MOXD1: variants seen among roughly 807,000 people sequenced by gnomAD.
MOXD1 encodes monooxygenase DBH like 1, also known as DBH-like monooxygenase protein 1.
A neutral mutation model predicts 66.6 loss-of-function variants in MOXD1; 62 were observed. The observed-to-expected ratio is 0.93, with a 90% CI of 0.76 to 1.15. The LOEUF is 1.15. MOXD1 is among the 50% of genes most tolerant of loss of function. MOXD1 has a pLI of 0.00. For synonymous variants in MOXD1, 303 were observed against 281.9 expected, an observed-to-expected ratio of 1.07 and a Z score of -0.75; for missense variants, 847 against 754.6, an observed-to-expected ratio of 1.12 and a Z score of -1.44.
intron 1 of MOXD1, among the ~76,000 whole-genome samples, chr6:132,399,836 G>A (rs935931345): frequency 8.5e-5 from 13 of 152,148 alleles, no homozygotes; most frequent in African/African-American, 3.1e-4. Context: ...TATTACAGGA[G>A]AATGAGTCAT....
intron 4 of MOXD1, among the ~76,000 whole-genome samples, chr6:132,340,836 C>A (rs968984366): frequency 6.6e-6 from 1 of 151,748 alleles, no homozygotes; most frequent in African/African-American, 2.4e-5. Context: ...TTAGTAGAGA[C>A]GGGGTTTCAT....
intron 4 of MOXD1, among the ~76,000 whole-genome samples, chr6:132,355,549 G>T (rs984589490): frequency 2.0e-5 from 3 of 152,086 alleles, no homozygotes; most frequent in Admixed American, 6.5e-5. Context: ...TTGGAACTGT[G>T]CCATCACCAT....
chr6:132,385,281 A>C (rs1421393088), intron 1 of MOXD1, among the ~76,000 whole-genome samples: 1 of 152,042 alleles, frequency 6.6e-6, no homozygotes, highest in Non-Finnish European at 1.5e-5. Flanking sequence ...AGGTCAAAGT[A>C]ATGTACCACC....
rs1229304316 is a variant in MOXD1 at position 132,309,603 on chromosome 6, C to T, written c.1508+6032G>A. 2.0e-5 allele frequency among the ~76,000 whole-genome samples: 3 copies of T among 152,182 alleles called. No homozygotes were observed. In the East Asian group the frequency reaches 5.8e-4, roughly 29 times the overall value. On this transcript the variant is annotated intron_variant, in intron 10 of 11. Coordinates refer to ENST00000367963, the MANE Select transcript of MOXD1 (RefSeq NM_015529.4). Reference sequence around the variant, plus strand: ...AAAGAACAAAGCTGGAGGCATCACACTACCTGACTTCAAACTATACTACAA... The same window carrying T: ...AAAGAACAAAGCTGGAGGCATCACATTACCTGACTTCAAACTATACTACAA...
At chr6:132,321,347 A>G (rs942720895) in intron 8 of MOXD1, among the ~76,000 whole-genome samples, 5 of 152,320 alleles carry the variant, frequency 3.3e-5, no homozygotes, top group Admixed American at 1.3e-4. Context: ...ACAAATGAAC[A>G]TTTAATAAAC....
At chr6:132,313,841 G>A (rs1264677889) in intron 10 of MOXD1, among the ~76,000 whole-genome samples, 2 of 152,142 alleles carry the variant, frequency 1.3e-5, no homozygotes, top group East Asian at 3.9e-4. Context: ...CTTGAACCCA[G>A]GAGGCAGAGG....
intron 1 of MOXD1, chr6:132,375,123 CA>C (rs532795115): frequency 1.2e-5 from 4 of 346,950 alleles, no homozygotes; most frequent in Non-Finnish European, 1.6e-5. Flanking sequence ...TGCATTTATA[CA>C]AAAAAAGTTT....
Position 132,349,350 on chromosome 6 carries a change from T to C in MOXD1, c.664-20756A>G, listed in dbSNP as rs1775735198. Among the ~76,000 whole-genome samples the C allele has an allele frequency of 3.5e-5, 5 of 144,164 alleles. No individual in the cohort carries two copies. In the South Asian group the frequency reaches 1.1e-3, roughly 31 times the overall value. 94.6% of individuals were successfully genotyped at this position (144,164 alleles called of 152,430 possible). The stretch of plus-strand genomic sequence containing the variant: ...GCTTAGTAGTATTCCATCATATATA[T>C]AGATATATTCCATCATATATATATA... On this transcript the variant is annotated intron_variant, in intron 4 of 11. Coordinates refer to ENST00000367963, the MANE Select transcript of MOXD1 (RefSeq NM_015529.4).
chr6:132,372,773 C>T (rs1776291731), intron 3 of MOXD1, 57 bp downstream of exon 3: 3 of 1,609,062 alleles, frequency 1.9e-6, no homozygotes, highest in East Asian at 2.2e-5. Context: ...AGCAAAAATG[C>T]TCGTATACAC....
At chr6:132,335,192 C>T (rs774549826) in intron 4 of MOXD1, among the ~76,000 whole-genome samples, 4 of 149,600 alleles carry the variant, frequency 2.7e-5, no homozygotes, top group African/African-American at 7.3e-5. Flanking sequence ...TGAAAGACAC[C>T]GAGTATTGGA....
chr6:132,346,108 C>G (rs1333153273), intron 4 of MOXD1, among the ~76,000 whole-genome samples: 1 of 151,628 alleles, frequency 6.6e-6, no homozygotes. Flanking sequence ...TAATTCTATC[C>G]AAGAAAGGGC....
chr6:132,372,766 A>G, intron 3 of MOXD1, 64 bp downstream of exon 3: 2 of 1,609,522 alleles, frequency 1.2e-6, no homozygotes, highest in African/African-American at 2.7e-5. Flanking sequence ...TAATGTAAGC[A>G]AAAATGCTCG....
At chr6:132,377,395 C>G (rs905534337) in intron 1 of MOXD1, among the ~76,000 whole-genome samples, 1 of 152,196 alleles carries the variant, frequency 6.6e-6, no homozygotes. Context: ...CAATACAATA[C>G]AAACTGTAAT....
At chr6:132,319,481 T>A (rs1015953119) in intron 9 of MOXD1, among the ~76,000 whole-genome samples, 1 of 152,158 alleles carries the variant, frequency 6.6e-6, no homozygotes, top group Middle Eastern at 3.4e-3. Flanking sequence ...AGTGTTAGAT[T>A]TTATTTCTGT....
chr6:132,329,879 G>A (rs1159734905), intron 4 of MOXD1, among the ~76,000 whole-genome samples: 1 of 152,162 alleles, frequency 6.6e-6, no homozygotes, highest in East Asian at 1.9e-4. Context: ...TGTTAGCTAT[G>A]TGCGCTTGTG....
At chr6:132,345,911 T>C (rs1321691708) in intron 4 of MOXD1, among the ~76,000 whole-genome samples, 1 of 152,158 alleles carries the variant, frequency 6.6e-6, no homozygotes, top group African/African-American at 2.4e-5. Flanking sequence ...TTACATCTCC[T>C]GATGGGGGGA....
chr6:132,401,175 C>A lies in MOXD1; in HGVS notation c.252G>T (p.Arg84=). 1 of 1,527,558 alleles carries A rather than the reference C, an allele frequency of 6.5e-7. No individual in the cohort carries two copies. 94.6% of individuals were successfully genotyped at this position (1,527,558 alleles called of 1,614,324 possible). ...GAGACGCGCTTACCTGGAGGTAGGG[C>A]CGCCCGTGGGCCACCCCGCCCACGA... ...DIVVGGVAHG[R]PYLQDYFTNA... The change falls in exon 1 of 12, where the codon CGG becomes CGT. Residue 84 remains arginine (R), a synonymous_variant. Coordinates refer to ENST00000367963, the MANE Select transcript of MOXD1 (RefSeq NM_015529.4).
At chr6:132,397,825 C>T (rs1277225793) in intron 1 of MOXD1, among the ~76,000 whole-genome samples, 1 of 152,130 alleles carries the variant, frequency 6.6e-6, no homozygotes, top group Non-Finnish European at 1.5e-5. Context: ...CCCCAGTTCC[C>T]TCAGTGCCAT....
chr6:132,324,000 G>C lies in MOXD1; in HGVS notation c.1044C>G (p.Phe348Leu). Residue 348 changes from phenylalanine (F) to leucine (L), a missense_variant, in exon 7 of 12, where the codon TTC (phenylalanine) becomes TTG (leucine). Physicochemically the swap from Phe to Leu is conservative, Grantham distance 22. Transcript: ENST00000367963. ...VIEAGLWVSL[F>L]HTIPPGMPEF... Reference sequence around the variant, plus strand: ...CAGGCATCCCTGGAGGGATGGTATGGAAGAGGCTCACCCAGAGGCCAGCCT... The same window carrying C: ...CAGGCATCCCTGGAGGGATGGTATGCAAGAGGCTCACCCAGAGGCCAGCCT... 1 of 1,613,986 alleles carries C rather than the reference G, an allele frequency of 6.2e-7. No individual in the cohort carries two copies. The highest frequency in any genetic ancestry group is 8.5e-7 in the Non-Finnish European group (1 of 1,179,946).
Sources: gnomAD v4.1 joint callset for allele counts (sites outside exome capture counted in the v4.1 genomes callset) on GRCh38, gnomAD v4.1.1 for gene constraint, MANE v1.5 for transcripts, NCBI Gene and HGNC (gene_info 2026-07-23, HGNC 2026-07-21) for gene names.